CUBN: variants seen among roughly 807,000 people sequenced by gnomAD.
CUBN encodes 460 kDa receptor.
Under a neutral mutation model 405.3 loss-of-function variants are expected in CUBN, and 282 were observed. The observed-to-expected ratio is 0.70, with a 90% confidence interval of 0.63 to 0.77. CUBN has a LOEUF of 0.77. Among genes scored for constraint, CUBN ranks in the 30% least tolerant of loss-of-function variants. The pLI, the probability that CUBN is intolerant of heterozygous loss-of-function variation, is 0.00. For synonymous variants in CUBN, 1,684 were observed against 1,617.0 expected, an observed-to-expected ratio of 1.04 and a Z score of -0.99; for missense variants, 4,514 against 4,475.2, an observed-to-expected ratio of 1.01 and a Z score of -0.25.
At chr10:17,055,601 T>G (rs111644536) in intron 22 of CUBN, among the ~76,000 whole-genome samples, 22 of 152,252 alleles carry the variant, frequency 1.4e-4, no homozygotes, top group Middle Eastern at 6.8e-3. Flanking sequence ...CAAAAATCCA[T>G]TTATGTTGCA....
chr10:17,030,255 T>C (rs944950790), intron 27 of CUBN, among the ~76,000 whole-genome samples: 30 of 152,268 alleles, frequency 2.0e-4, no homozygotes, highest in South Asian at 8.3e-4. Flanking sequence ...ATAAATACAA[T>C]GCACTTGAAT....
chr10:16,958,343 A>T (rs1373606242), intron 31 of CUBN, among the ~76,000 whole-genome samples: 2 of 152,060 alleles, frequency 1.3e-5, no homozygotes, highest in East Asian at 3.8e-4. Flanking sequence ...CCAACATGAC[A>T]AAACCATGTC....
At chr10:16,854,742 T>C (rs1339436498) in intron 59 of CUBN, among the ~76,000 whole-genome samples, 1 of 152,208 alleles carries the variant, frequency 6.6e-6, no homozygotes, top group Non-Finnish European at 1.5e-5. Context: ...CAATTGTACT[T>C]GGGCCCAGTG....
At chr10:17,041,551 G>A (rs1308064491) in intron 26 of CUBN, among the ~76,000 whole-genome samples, 1 of 151,966 alleles carries the variant, frequency 6.6e-6, no homozygotes. Flanking sequence ...GAATAACTTG[G>A]TTATATTCAG....
In CUBN at chr10:16,920,049, A is replaced by C; in HGVS notation, c.6735T>G (p.Ala2245=). The change falls in exon 44 of 67, where the codon GCT becomes GCG. Residue 2245 remains alanine, a synonymous_variant. Coordinates refer to ENST00000377833, the MANE Select transcript of CUBN (RefSeq NM_001081.4). The part of the protein sequence containing the change: ...PNHPHNYPPH[A]DCIWILAAPP... Reference sequence around the variant, plus strand: ...GAGCCGCTAAGATCCAAATGCAATCAGCGTGCGGGGGATAATTATGAGGGT... The same window carrying C: ...GAGCCGCTAAGATCCAAATGCAATCCGCGTGCGGGGGATAATTATGAGGGT... 6.2e-7 allele frequency: 1 copy of C among 1,614,090 alleles called. No homozygotes were observed.
chr10:16,826,707 T>C (rs964391093), intron 66 of CUBN, among the ~76,000 whole-genome samples: 1 of 152,156 alleles, frequency 6.6e-6, no homozygotes, highest in African/African-American at 2.4e-5. Flanking sequence ...TAACGTGGCA[T>C]TGGATTAAAT....
At chr10:16,871,193 A>AT (rs886285685) in intron 58 of CUBN, among the ~76,000 whole-genome samples, 42 of 150,896 alleles carry the variant, frequency 2.8e-4, no homozygotes, top group African/African-American at 9.5e-4. Flanking sequence ...ATGCCTGGCT[A>AT]TTTTTTTTAA....
At chr10:17,126,624 T>G in intron 4 of CUBN, 137 bp downstream of exon 4, 2 of 914,208 alleles carry the variant, frequency 2.2e-6, no homozygotes, top group Non-Finnish European at 3.5e-6. Context: ...CATGCTGGGA[T>G]GAGAATTAAA....
intron 14 of CUBN, among the ~76,000 whole-genome samples, chr10:17,098,747 A>G (rs2131294604): frequency 6.6e-6 from 1 of 152,350 alleles, no homozygotes; most frequent in African/African-American, 2.4e-5. Context: ...TCAAAATCAA[A>G]TATTTAAAAA....
chr10:17,061,884 G>A (rs1835512485), intron 22 of CUBN, among the ~76,000 whole-genome samples: 1 of 152,158 alleles, frequency 6.6e-6, no homozygotes, highest in Non-Finnish European at 1.5e-5. Context: ...AAAAGCAATG[G>A]ATTCTAAGAC....
At position 16,939,067 on chromosome 10, in the gene CUBN, T is replaced by C; in HGVS notation, c.5629A>G (p.Asn1877Asp). Residue 1877 changes from asparagine (N) to aspartate (D), a missense_variant, in exon 38 of 67, where the codon AAT becomes GAT. Physicochemically the swap from Asn to Asp is conservative, Grantham distance 23. This residue lies in a region of CUBN where 1,613 missense variants were observed against 1,542.8 expected (regional missense o/e 1.05). Coordinates refer to ENST00000377833, the MANE Select transcript of CUBN (RefSeq NM_001081.4). ...FWPENYPHNS[N>D]YQWTVNVNAS... is the part of the protein sequence containing the mutation. ...TTCACATTTACTGTCCATTGGTAAT[T>C]GGAGTTATGTGGGTAGTTTTCAGGC... The C allele has an allele frequency of 6.2e-7, 1 of 1,613,862 alleles. No homozygotes were observed. The highest frequency in any genetic ancestry group is 8.5e-7 in the Non-Finnish European group (1 of 1,179,758).
chr10:17,016,122 A>T (rs1352234212), intron 28 of CUBN, among the ~76,000 whole-genome samples: 1 of 152,036 alleles, frequency 6.6e-6, no homozygotes, highest in African/African-American at 2.4e-5. Flanking sequence ...CCCTCGAGTG[A>T]GTCAGGTGAC....
intron 64 of CUBN, among the ~76,000 whole-genome samples, chr10:16,832,108 G>A (rs1179041242): frequency 6.6e-6 from 1 of 150,754 alleles, no homozygotes; most frequent in African/African-American, 2.4e-5. Flanking sequence ...TTTATGGGGA[G>A]AGAGAACTAC....
At chr10:16,994,025 T>G (rs1029459165) in intron 28 of CUBN, among the ~76,000 whole-genome samples, 1 of 152,188 alleles carries the variant, frequency 6.6e-6, no homozygotes. Flanking sequence ...TACTTTCTGG[T>G]CAAAATTATA....
chr10:17,010,223 T>C (rs1834143691), intron 28 of CUBN, among the ~76,000 whole-genome samples: 1 of 152,248 alleles, frequency 6.6e-6, no homozygotes, highest in South Asian at 2.1e-4. Flanking sequence ...CTGTCTCTTT[T>C]CACACTGTCT....
rs45588636 is a variant in CUBN, at chr10:17,045,009, C to A, written c.3670G>T (p.Ala1224Ser). 5.6e-6 allele frequency: 9 copies of A among 1,613,528 alleles called. No individual in the cohort carries two copies. The highest frequency in any genetic ancestry group is 7.6e-6 in the Non-Finnish European group (9 of 1,179,638). ...HHPNCTLDYL[A>S]VYDGPSSNSH... ...TATGATGGAAACATTATACATACAG[C>A]CAGGTAATCTAAAGTGCAGTTTGGA... The change falls in exon 25 of 67, where the codon GCT becomes TCT. Residue 1224 changes from alanine to serine, a missense_variant and splice_region_variant. Physicochemically the swap from Ala to Ser is moderately conservative, Grantham distance 99 (BLOSUM62 1). Transcript: ENST00000377833.
chr10:16,912,496 G>A (rs1265645829), intron 48 of CUBN, among the ~76,000 whole-genome samples: 1 of 152,192 alleles, frequency 6.6e-6, no homozygotes, highest in African/African-American at 2.4e-5. Flanking sequence ...GGCAGCAGGT[G>A]TGAAGTGCTG....
In CUBN at chr10:16,982,508, A is replaced by C. The variant is rs151197305; in HGVS notation, c.4671T>G (p.Leu1557=). The C allele has an allele frequency of 1.2e-4, 187 of 1,613,778 alleles. No homozygotes were observed. The African/African-American group carries it at 2.3e-3, about 20-fold the overall frequency. Residue 1557 remains leucine (L), a synonymous_variant, in exon 31 of 67, where the codon CTT becomes CTG. Transcript: ENST00000377833. ...RVLLNFTDFD[L]EPQDSCIMAY... is the part of the protein sequence containing the mutation. ...CCATAATACAAGAGTCTTGTGGTTC[A>C]AGATCAAAGTCAGTGAAGTTCAAGA...
chr10:16,946,980 TGAATGC>T (rs1200567670), intron 36 of CUBN, among the ~76,000 whole-genome samples: 3 of 152,156 alleles, frequency 2.0e-5, no homozygotes, highest in African/African-American at 7.2e-5. Flanking sequence ...ACTCTGAACA[TGAATGC>T]GCCACAGATT....
Sources: allele counts gnomAD v4.1 joint callset (sites outside exome capture counted in the v4.1 genomes callset), GRCh38; gene constraint gnomAD v4.1.1; regional missense constraint gnomAD v4.1.1; transcripts MANE v1.5; gene names NCBI Gene and HGNC (gene_info 2026-07-23, HGNC 2026-07-21).